Variants in OGT observed in about 807,000 individuals in gnomAD.
The protein encoded by OGT is O-linked N-acetylglucosamine (GlcNAc) transferase, also known as UDP-N-acetylglucosamine--peptide N-acetylglucosaminyltransferase 110 kDa subunit.
Under a neutral mutation model 75.8 loss-of-function variants are expected in OGT, and 3 were observed. That is an observed-to-expected ratio of 0.04 (90% CI 0.02 to 0.10). The LOEUF is 0.10. Among genes scored for constraint, OGT ranks in the 10% least tolerant of loss-of-function variants. OGT has a pLI of 1.00. For synonymous variants in OGT, 257 were observed against 289.7 expected (o/e 0.89, Z 1.15); for missense variants, 260 against 824.4 (o/e 0.32, Z 8.38).
chrX:71,533,429 C>A, intron 1 of OGT, 93 bp downstream of exon 1: 4 of 815,947 alleles, frequency 4.9e-6, no homozygotes, highest in South Asian at 4.4e-5. Context: ...TTCCCTCGAA[C>A]CATCCCCATT....
intron 3 of OGT, among the ~76,000 whole-genome samples, chrX:71,543,766 GTATATA>G (rs397895363): frequency 0.081 from 6,361 of 78,183 alleles, 499 homozygotes; most frequent in East Asian, 0.29. Context: ...GTGTGTGTGT[GTATATA>G]TATATATATA....
chrX:71,570,919 C>T (rs2040453773), intron 21 of OGT, among the ~76,000 whole-genome samples: 1 of 108,938 alleles, frequency 9.2e-6, no homozygotes, highest in South Asian at 4.0e-4. Flanking sequence ...CTTAGCCTTC[C>T]AGTAGCTGGG....
In OGT at chrX:71,543,766, G is replaced by A. The variant is rs868472151; in HGVS notation, c.463-801G>A. ...TGTGTGTGTGTGTGTGTGTGTGTGT[G>A]TATATATATATATATATATATATAT... On this transcript the variant is annotated intron_variant, in intron 3 of 21. Coordinates refer to ENST00000373719, the MANE Select transcript of OGT (RefSeq NM_181672.3). Among the ~76,000 whole-genome samples, 516 of 78,242 alleles carry A rather than the reference G, an allele frequency of 6.6e-3. 1 individual carries two copies. Among genetic ancestry groups the A allele is most frequent in the Middle Eastern group, 0.014 (2 of 148 alleles). 67.9% of individuals were successfully genotyped at this position (78,242 alleles called of 115,157 possible). A position where few individuals can be genotyped will look rare whatever the true frequency, so the allele number is the denominator to read the frequency against.
chrX:71,570,405 G>C (rs1490775271), intron 21 of OGT, among the ~76,000 whole-genome samples: 1 of 111,492 alleles, frequency 9.0e-6, no homozygotes, highest in African/African-American at 3.3e-5. Context: ...GTTTTTCTGA[G>C]AAGTAGCATA....
chrX:71,542,156 GTT>G (rs2040224092), intron 3 of OGT, among the ~76,000 whole-genome samples: 1 of 112,083 alleles, frequency 8.9e-6, no homozygotes, highest in Non-Finnish European at 1.9e-5. Context: ...TTGAGTAACA[GTT>G]TGCCTGAAAT....
At chrX:71,535,269 C>T (rs750576556) in intron 1 of OGT, among the ~76,000 whole-genome samples, 1 of 111,386 alleles carries the variant, frequency 9.0e-6, no homozygotes, top group South Asian at 3.8e-4. Flanking sequence ...CGTCCATCCT[C>T]CCTCCCTCCC....
chrX:71,551,611 G>A lies in OGT; in HGVS notation c.649-2902G>A, dbSNP rs984466004. Among the ~76,000 whole-genome samples, 17 of 111,850 alleles carry A rather than the reference G, an allele frequency of 1.5e-4. No individual in the cohort carries two copies. The South Asian group carries it at 5.9e-3, about 39-fold the overall frequency. On this transcript the variant is annotated intron_variant, in intron 5 of 21. Coordinates refer to ENST00000373719, the MANE Select transcript of OGT (RefSeq NM_181672.3). ...TGCACCATTGCATTCCAGCCTGGGC[G>A]ACAGAGCAAGACTCCATCTCAAAAA...
chrX:71,544,725 A>G, intron 4 of OGT, 90 bp downstream of exon 4: 1 of 731,773 alleles, frequency 1.4e-6, no homozygotes, highest in Non-Finnish European at 2.1e-6. Context: ...AGCTATCTTC[A>G]CAAAACAGTC....
chrX:71,537,762 C>T (rs2040189330), intron 2 of OGT, 67 bp from the exon 3 acceptor site: 2 of 1,148,886 alleles, frequency 1.7e-6, no homozygotes, highest in Admixed American at 2.3e-5. Flanking sequence ...GTTTGAGTTG[C>T]ATATGGGCCA....
chrX:71,556,317 C>G, intron 8 of OGT: 2 of 401,825 alleles, frequency 5.0e-6, no homozygotes, highest in Admixed American at 4.6e-5. Context: ...AAGATCTGTA[C>G]AAAAAAATTA....
chrX:71,575,416 A>G lies in OGT; in HGVS notation c.*1622A>G, dbSNP rs2040489894. 8.9e-6 allele frequency: 1 copy of G among 112,844 alleles called. No homozygotes were observed. The highest frequency in any genetic ancestry group is 1.9e-5 in the Non-Finnish European group (1 of 53,333). 9.3% of individuals were successfully genotyped at this position (112,844 alleles called of 1,213,427 possible). On this transcript the variant is annotated 3_prime_UTR_variant, in exon 22 of 22. Transcript: ENST00000373719. ...CTGAACCAGAATTACATGTTAATGA[A>G]CAGTGTACCTTTTAACAGTGTAAAT...
At chrX:71,541,337 T>C (rs1250086474) in intron 3 of OGT, among the ~76,000 whole-genome samples, 3 of 110,780 alleles carry the variant, frequency 2.7e-5, no homozygotes, top group African/African-American at 1.0e-4. Context: ...CTGCTTTCTG[T>C]TGTATATTTC....
intron 19 of OGT, among the ~76,000 whole-genome samples, chrX:71,566,148 G>A (rs1429030047): frequency 9.0e-6 from 1 of 111,712 alleles, no homozygotes; most frequent in Admixed American, 9.6e-5. Flanking sequence ...TAGAGGAGAG[G>A]GGAGGATAGA....
intron 12 of OGT, among the ~76,000 whole-genome samples, chrX:71,558,765 CTTTTTTTTT>C (rs397895020): frequency 3.3e-5 from 2 of 61,497 alleles, no homozygotes; most frequent in Non-Finnish European, 5.4e-5. Context: ...TTTGCTCGTA[CTTTTTTTTT>C]TTTTTTTTTT....
At chrX:71,543,756 G>GTT (rs2040238332) in intron 3 of OGT, among the ~76,000 whole-genome samples, 2 of 63,117 alleles carry the variant, frequency 3.2e-5, no homozygotes, top group South Asian at 1.0e-3. Context: ...GTGTGTGTGT[G>GTT]TGTGTGTGTG....
intron 2 of OGT, 23 bp downstream of exon 2, chrX:71,536,381 C>T (rs780454044): frequency 9.3e-7 from 1 of 1,073,946 alleles, no homozygotes; most frequent in South Asian, 2.6e-5. Flanking sequence ...GGGGTACCTG[C>T]TCGTGATTGC....
intron 8 of OGT, chrX:71,556,345 C>T: frequency 2.6e-6 from 1 of 387,017 alleles, no homozygotes; most frequent in Non-Finnish European, 4.4e-6. Flanking sequence ...ACCCACAGTT[C>T]AAGAGAAGTT....
At chrX:71,546,620 A>G in intron 4 of OGT, 2 of 728,850 alleles carry the variant, frequency 2.7e-6, no homozygotes, top group Non-Finnish European at 3.2e-6. Flanking sequence ...TTTATACTAT[A>G]GCCACAATTC....
At chrX:71,554,727 C>T in intron 6 of OGT, 135 bp downstream of exon 6, 1 of 430,723 alleles carries the variant, frequency 2.3e-6, no homozygotes, top group South Asian at 5.5e-5. Flanking sequence ...TGCCCATGTC[C>T]TGTGTTGCCT....
Sources: allele counts gnomAD v4.1 joint callset (sites outside exome capture counted in the v4.1 genomes callset), GRCh38; gene constraint gnomAD v4.1.1; transcripts MANE v1.5; gene names NCBI Gene and HGNC (gene_info 2026-07-23, HGNC 2026-07-21).